Variants in KCNE1 observed in about 807,000 individuals in gnomAD.
The protein encoded by KCNE1 is potassium voltage-gated channel subfamily E regulatory subunit 1.
Under a neutral mutation model 2.9 loss-of-function variants are expected in KCNE1, and 1 was observed. The observed-to-expected ratio is 0.34, with a 90% CI of 0.12 to 1.62. KCNE1 has a LOEUF of 1.62. Ranked by LOEUF, KCNE1 falls within the 40% of genes most tolerant of loss-of-function variation. The pLI, the probability that KCNE1 is intolerant of heterozygous loss-of-function variation, is 0.36. For missense variants in KCNE1, 45 were observed against 150.5 expected (o/e 0.30, Z 3.67); for synonymous variants, 23 against 65.4 (o/e 0.35, Z 3.13).
intron 2 of KCNE1, among the ~76,000 whole-genome samples, chr21:34,504,113 G>A (rs566221690): frequency 2.0e-5 from 3 of 152,158 alleles, no homozygotes; most frequent in Non-Finnish European, 4.4e-5. Flanking sequence ...CAGTCCCTAG[G>A]CCCCACATCA....
In KCNE1 at chr21:34,511,109, G is replaced by T. The variant is rs1003872251; in HGVS notation, c.-170C>A. On this transcript the variant is annotated 5_prime_UTR_variant, in exon 2 of 4. Transcript: ENST00000399286. ...CAACCCCCTTCTCCTACCAGTTCTCGTTTCTGAAGTCTCCTCAAGCACACT... is the reference window on the plus strand; with the variant it reads ...CAACCCCCTTCTCCTACCAGTTCTCTTTTCTGAAGTCTCCTCAAGCACACT... 2 of 984,350 alleles carry T rather than the reference G, an allele frequency of 2.0e-6. No individual in the cohort carries two copies. Among genetic ancestry groups the T allele is most frequent in the Middle Eastern group, 5.2e-4 (1 of 1,914 alleles). 61.0% of individuals were successfully genotyped at this position (984,350 alleles called of 1,614,324 possible). A position where few individuals can be genotyped will look rare whatever the true frequency, so the allele number is the denominator to read the frequency against.
chr21:34,496,185 T>C (rs1400697029), intron 2 of KCNE1, among the ~76,000 whole-genome samples: 1 of 152,174 alleles, frequency 6.6e-6, no homozygotes, highest in Non-Finnish European at 1.5e-5. Context: ...ACCATTCTCC[T>C]GCCTCAGCTT....
At chr21:34,510,096 C>G (rs1983752052) in intron 2 of KCNE1, 1 of 152,318 alleles carries the variant, frequency 6.6e-6, no homozygotes, top group Non-Finnish European at 1.5e-5. Context: ...GAGGGTTGTC[C>G]TGCCCACACT....
intron 2 of KCNE1, among the ~76,000 whole-genome samples, chr21:34,505,237 A>G (rs1402497948): frequency 6.6e-6 from 1 of 151,982 alleles, no homozygotes; most frequent in African/African-American, 2.4e-5. Context: ...GGGTTCAAGC[A>G]ATTCTTCTGC....
intron 2 of KCNE1, among the ~76,000 whole-genome samples, chr21:34,503,840 G>T (rs1324364177): frequency 6.6e-6 from 1 of 152,100 alleles, no homozygotes; most frequent in African/African-American, 2.4e-5. Flanking sequence ...AGGCTGTTTG[G>T]GGGTCCAGAA....
chr21:34,499,956 A>G (rs947050729), intron 2 of KCNE1, among the ~76,000 whole-genome samples: 16 of 152,168 alleles, frequency 1.1e-4, no homozygotes, highest in Non-Finnish European at 1.8e-4. Flanking sequence ...CCTATCTGTC[A>G]TCTTCCTCTT....
intron 2 of KCNE1, among the ~76,000 whole-genome samples, chr21:34,499,282 C>G (rs1983013086): frequency 1.3e-5 from 2 of 152,360 alleles, no homozygotes; most frequent in South Asian, 4.1e-4. Context: ...AGCTTATGCT[C>G]TGGACTCAGA....
intron 2 of KCNE1, among the ~76,000 whole-genome samples, chr21:34,505,496 G>A (rs1199011089): frequency 6.6e-6 from 1 of 152,052 alleles, no homozygotes; most frequent in Non-Finnish European, 1.5e-5. Flanking sequence ...TACCTGGGAG[G>A]CGTGGACCAA....
chr21:34,499,220 C>T (rs1983007233), intron 2 of KCNE1, among the ~76,000 whole-genome samples: 1 of 152,162 alleles, frequency 6.6e-6, no homozygotes, highest in South Asian at 2.1e-4. Flanking sequence ...GTTGGTGGGG[C>T]CGATCTTGCT....
chr21:34,498,301 T>C (rs777026158), intron 2 of KCNE1, among the ~76,000 whole-genome samples: 12 of 152,236 alleles, frequency 7.9e-5, no homozygotes, highest in Admixed American at 2.0e-4. Context: ...TTCCTTCTCA[T>C]TTGGTCAGCT....
In KCNE1 at chr21:34,449,551, C is replaced by T. The variant is rs17173510; in HGVS notation, c.84G>A (p.Ser28=). 0.012 allele frequency: 11,131 copies of T among 967,632 alleles called. 3,870 individuals carry two copies. The highest frequency in any genetic ancestry group is 0.014 in the Non-Finnish European group (10,107 of 703,724). 59.9% of individuals were successfully genotyped at this position (967,632 alleles called of 1,614,324 possible). A position where few individuals can be genotyped will look rare whatever the true frequency, so the allele number is the denominator to read the frequency against. Residue 28 remains serine, a synonymous_variant, in exon 4 of 4, where the codon TCG becomes TCA. Transcript: ENST00000399286. ...TGCGGGGGGACCTGCGGGCCAGGCCCGACATGTTGCCACCCTGCTGAACTG... is the reference window on the plus strand; with the variant it reads ...TGCGGGGGGACCTGCGGGCCAGGCCTGACATGTTGCCACCCTGCTGAACTG... ...QETVQQGGNM[S]GLARRSPRSS... is the part of the protein sequence containing the mutation.
At chr21:34,500,852 ACT>A (rs1410899463) in intron 2 of KCNE1, among the ~76,000 whole-genome samples, 1 of 152,114 alleles carries the variant, frequency 6.6e-6, no homozygotes, top group Non-Finnish European at 1.5e-5. Context: ...TCACTATGTG[ACT>A]CTACCATAAT....
intron 2 of KCNE1, among the ~76,000 whole-genome samples, chr21:34,501,914 A>C (rs1983191875): frequency 6.6e-6 from 1 of 152,198 alleles, no homozygotes; most frequent in African/African-American, 2.4e-5. Flanking sequence ...AACAATGTGC[A>C]CCATTGTCTG....
At chr21:34,499,976 C>A (rs1043302385) in intron 2 of KCNE1, among the ~76,000 whole-genome samples, 1 of 152,074 alleles carries the variant, frequency 6.6e-6, no homozygotes, top group East Asian at 1.9e-4. Context: ...TAAAACCTGG[C>A]AATTTATTTT....
At chr21:34,500,905 C>A (rs1472826831) in intron 2 of KCNE1, among the ~76,000 whole-genome samples, 2 of 152,172 alleles carry the variant, frequency 1.3e-5, no homozygotes, top group African/African-American at 2.4e-5. Flanking sequence ...TTGGTGGACA[C>A]CTGAAAAACT....
chr21:34,505,993 A>G (rs1369013339), intron 2 of KCNE1, among the ~76,000 whole-genome samples: 1 of 152,240 alleles, frequency 6.6e-6, no homozygotes, highest in Non-Finnish European at 1.5e-5. Flanking sequence ...AAAATAGAAC[A>G]TTATTTTGAA....
intron 2 of KCNE1, chr21:34,509,994 C>G (rs1983744948): frequency 6.6e-6 from 1 of 152,170 alleles, no homozygotes; most frequent in South Asian, 2.1e-4. Flanking sequence ...CAGATCTTAC[C>G]TACATCTGCA....
At position 34,511,110 on chromosome 21, in the gene KCNE1, T is replaced by C. The variant is rs1983820750; in HGVS notation, c.-171A>G. ...AACCCCCTTCTCCTACCAGTTCTCG[T>C]TTCTGAAGTCTCCTCAAGCACACTG... On this transcript the variant is annotated 5_prime_UTR_variant, in exon 2 of 4. Transcript: ENST00000399286. The C allele has an allele frequency of 2.0e-6, 2 of 984,910 alleles. No individual in the cohort carries two copies. Among genetic ancestry groups the C allele is most frequent in the Non-Finnish European group, 1.2e-6 (1 of 829,396 alleles). 61.0% of individuals were successfully genotyped at this position (984,910 alleles called of 1,614,324 possible).
intron 2 of KCNE1, among the ~76,000 whole-genome samples, chr21:34,502,996 A>G (rs917148800): frequency 1.3e-5 from 2 of 152,232 alleles, no homozygotes; most frequent in Non-Finnish European, 2.9e-5. Context: ...ACGTATCAGT[A>G]AAGCAATTCT....
Sources: gnomAD v4.1 joint callset for allele counts (sites outside exome capture counted in the v4.1 genomes callset) on GRCh38, gnomAD v4.1.1 for gene constraint, MANE v1.5 for transcripts, NCBI Gene and HGNC (gene_info 2026-07-23, HGNC 2026-07-21) for gene names.